The following ARHGAP10 variants were observed in gnomAD, a reference collection of about 807,000 sequenced individuals.
ARHGAP10 encodes Rho GTPase activating protein 10, also known as rho GTPase-activating protein 10.
A neutral mutation model predicts 108.6 loss-of-function variants in ARHGAP10; 87 were observed. The observed-to-expected ratio is 0.80, with a 90% CI of 0.67 to 0.96. The LOEUF (loss-of-function observed/expected upper bound fraction) is 0.96, where lower values mean the gene tolerates loss of function less well. Among genes scored for constraint, ARHGAP10 ranks in the 40% least tolerant of loss-of-function variants. The pLI, the probability that ARHGAP10 is intolerant of heterozygous loss-of-function variation, is 0.00. For missense variants in ARHGAP10, 939 were observed against 954.5 expected (o/e 0.98, Z 0.21); for synonymous variants, 347 against 341.1 (o/e 1.02, Z -0.19).
At chr4:148,019,189 A>G (rs1291978026) in intron 18 of ARHGAP10, among the ~76,000 whole-genome samples, 1 of 152,222 alleles carries the variant, frequency 6.6e-6, no homozygotes, top group Admixed American at 6.5e-5. Context: ...GGCTCAGAGC[A>G]CTGAATTTGG....
At chr4:148,014,674 A>G (rs773559171) in intron 18 of ARHGAP10, among the ~76,000 whole-genome samples, 1 of 152,224 alleles carries the variant, frequency 6.6e-6, no homozygotes, top group Non-Finnish European at 1.5e-5. Context: ...TGCAATAGGT[A>G]GTTCTGGAAT....
intron 20 of ARHGAP10, among the ~76,000 whole-genome samples, chr4:148,050,770 G>A (rs1357707139): frequency 6.6e-6 from 1 of 152,104 alleles, no homozygotes; most frequent in Non-Finnish European, 1.5e-5. Flanking sequence ...TGTTTCCTTA[G>A]CATTTATAAG....
intron 20 of ARHGAP10, among the ~76,000 whole-genome samples, chr4:148,053,501 C>G (rs1004317561): frequency 3.3e-5 from 5 of 152,198 alleles, no homozygotes; most frequent in Admixed American, 2.6e-4. Flanking sequence ...TTCTCCCCCA[C>G]AGCAGAGCTT....
chr4:147,874,788 C>T (rs1485279053), intron 7 of ARHGAP10, among the ~76,000 whole-genome samples: 1 of 151,968 alleles, frequency 6.6e-6, no homozygotes, highest in Non-Finnish European at 1.5e-5. Flanking sequence ...TCCAAAGTAA[C>T]CTGTAGTAAC....
At chr4:147,929,298 A>C (rs1737579459) in intron 13 of ARHGAP10, among the ~76,000 whole-genome samples, 1 of 152,162 alleles carries the variant, frequency 6.6e-6, no homozygotes, top group South Asian at 2.1e-4. Flanking sequence ...GAATTATGTA[A>C]ATACCGTATC....
At chr4:148,012,718 A>G (rs1053456400) in intron 18 of ARHGAP10, among the ~76,000 whole-genome samples, 2 of 152,196 alleles carry the variant, frequency 1.3e-5, no homozygotes, top group African/African-American at 4.8e-5. Context: ...GCATCAACCC[A>G]TATATTGCAG....
At chr4:147,987,997 A>G (rs1740106255) in intron 18 of ARHGAP10, among the ~76,000 whole-genome samples, 1 of 152,240 alleles carries the variant, frequency 6.6e-6, no homozygotes, top group African/African-American at 2.4e-5. Context: ...GCAGTGTGAG[A>G]AAATACAGAG....
intron 13 of ARHGAP10, among the ~76,000 whole-genome samples, chr4:147,923,736 C>G (rs1035171115): frequency 6.6e-6 from 1 of 152,100 alleles, no homozygotes; most frequent in African/African-American, 2.4e-5. Context: ...AAAACCTTAC[C>G]GCTTGAAGAT....
intron 10 of ARHGAP10, among the ~76,000 whole-genome samples, chr4:147,891,486 G>A (rs1315128107): frequency 6.6e-6 from 1 of 152,096 alleles, no homozygotes; most frequent in Non-Finnish European, 1.5e-5. Context: ...ATGGGTACAG[G>A]TTTTCTTTTT....
chr4:147,882,025 G>C, intron 10 of ARHGAP10, 93 bp downstream of exon 10: 1 of 1,155,586 alleles, frequency 8.7e-7, no homozygotes, highest in Non-Finnish European at 1.3e-6. Flanking sequence ...GATTTCTGTG[G>C]CCTGGGAGAA....
chr4:147,974,089 T>A (rs1197095828), intron 18 of ARHGAP10, among the ~76,000 whole-genome samples: 1 of 152,162 alleles, frequency 6.6e-6, no homozygotes, highest in South Asian at 2.1e-4. Context: ...GGTAGCTCTA[T>A]TTTTAGTTTT....
At chr4:147,937,354 AC>A (rs1297000534) in intron 13 of ARHGAP10, among the ~76,000 whole-genome samples, 1 of 150,234 alleles carries the variant, frequency 6.7e-6, no homozygotes, top group African/African-American at 2.5e-5. Flanking sequence ...ATTTGTGCCC[AC>A]CCTGGTGACC....
intron 19 of ARHGAP10, among the ~76,000 whole-genome samples, chr4:148,044,134 A>G (rs559792716): frequency 6.6e-6 from 1 of 152,262 alleles, no homozygotes; most frequent in African/African-American, 2.4e-5. Flanking sequence ...GGCAGGAAGG[A>G]AGAGAGAACT....
At chr4:147,827,136 T>G (rs940858582) in intron 3 of ARHGAP10, among the ~76,000 whole-genome samples, 2 of 152,218 alleles carry the variant, frequency 1.3e-5, no homozygotes, top group African/African-American at 4.8e-5. Context: ...TAACCCATAT[T>G]GACATTGTTT....
intron 3 of ARHGAP10, among the ~76,000 whole-genome samples, chr4:147,825,636 G>C (rs528101769): frequency 4.6e-5 from 7 of 152,278 alleles, no homozygotes; most frequent in Admixed American, 2.0e-4. Flanking sequence ...TGATCCTGTA[G>C]TCATCAATTT....
At chr4:147,839,122 A>ATCTGTCTG (rs1234013211) in intron 3 of ARHGAP10, among the ~76,000 whole-genome samples, 27 of 148,088 alleles carry the variant, frequency 1.8e-4, no homozygotes, top group African/African-American at 6.2e-4. Context: ...CTATCTATCT[A>ATCTGTCTG]TCTATCTATC....
chr4:147,999,490 G>A (rs564099000), intron 18 of ARHGAP10, among the ~76,000 whole-genome samples: 8 of 152,296 alleles, frequency 5.3e-5, no homozygotes, highest in Middle Eastern at 3.4e-3. Context: ...CCATCCCTCC[G>A]GATCCGGCAG....
chr4:147,921,144 T>G (rs59860658), intron 13 of ARHGAP10, among the ~76,000 whole-genome samples: 1 of 152,220 alleles, frequency 6.6e-6, no homozygotes, highest in Admixed American at 6.5e-5. Flanking sequence ...GGGTAGATAG[T>G]GCAGATACAG....
In ARHGAP10 at chr4:147,819,759, G is replaced by A. The variant is rs567989461; in HGVS notation, c.155-2968G>A. 4.7e-4 allele frequency among the ~76,000 whole-genome samples: 71 copies of A among 152,060 alleles called. 1 individual carries two copies. The South Asian group carries it at 0.012, about 26-fold the overall frequency. On this transcript the variant is annotated intron_variant, in intron 1 of 22. Transcript: ENST00000336498. ...TTTCTAGTAGAGATGGGGTTTCACCGTGTTGGCCAGGTTGGTCTTGAACTC... is the reference window on the plus strand; with the variant it reads ...TTTCTAGTAGAGATGGGGTTTCACCATGTTGGCCAGGTTGGTCTTGAACTC...
Sources: allele counts gnomAD v4.1 joint callset (sites outside exome capture counted in the v4.1 genomes callset), GRCh38; gene constraint gnomAD v4.1.1; transcripts MANE v1.5; gene names NCBI Gene and HGNC (gene_info 2026-07-23, HGNC 2026-07-21).